PTPRG: variants seen among roughly 807,000 people sequenced by gnomAD.
PTPRG encodes the protein protein tyrosine phosphatase receptor type G.
A neutral mutation model predicts 165.3 loss-of-function variants in PTPRG; 102 were observed. That is an observed-to-expected ratio of 0.62 (90% confidence interval 0.53 to 0.73). The LOEUF (loss-of-function observed/expected upper bound fraction) is 0.73. Ranked by LOEUF, PTPRG falls within the 30% of genes least tolerant of loss-of-function variation. The pLI is 0.00. For synonymous variants in PTPRG, 675 were observed against 669.5 expected, an observed-to-expected ratio of 1.01 and a Z score of -0.13; for missense variants, 1,866 against 1,861.4, an observed-to-expected ratio of 1.00 and a Z score of -0.05.
chr3:61,704,659 G>C (rs941534247), intron 1 of PTPRG, among the ~76,000 whole-genome samples: 8 of 151,674 alleles, frequency 5.3e-5, no homozygotes, highest in African/African-American at 1.9e-4. Context: ...ACACCTGGTG[G>C]CTGTTGCCTT....
Position 61,845,380 on chromosome 3 carries a change from G to A in PTPRG, c.190+96398G>A, listed in dbSNP as rs564202282. On this transcript the variant is annotated intron_variant, in intron 2 of 29. Coordinates refer to ENST00000474889, the MANE Select transcript of PTPRG (RefSeq NM_002841.4). ...AGTGAGGACAATTAAACCGTGGGGT[G>A]GCCTCTTGAGGCAAACAGCAGAGAC... Among the ~76,000 whole-genome samples the A allele has an allele frequency of 8.1e-4, 124 of 152,304 alleles. 1 individual carries two copies. The highest frequency in any genetic ancestry group is 2.9e-3 in the African/African-American group (122 of 41,576).
chr3:61,766,803 A>G (rs1290537197), intron 2 of PTPRG, among the ~76,000 whole-genome samples: 4 of 151,956 alleles, frequency 2.6e-5, no homozygotes, highest in African/African-American at 9.6e-5. Flanking sequence ...TATTTTTAGT[A>G]GAGATGGTTT....
chr3:62,273,223 G>T lies in PTPRG; in HGVS notation c.3318+142G>T. The T allele has an allele frequency of 1.0e-6, 1 of 980,800 alleles. No homozygotes were observed. 60.8% of individuals were successfully genotyped at this position (980,800 alleles called of 1,614,324 possible). ...TTGTATTAGAAGATATTCTGACAAT[G>T]ATCCTATTCTACGGATCACAGTTTT... On this transcript the variant is annotated intron_variant, in intron 22 of 29. Transcript: ENST00000474889. The surrounding 1 kb of genome is among the most constrained non-coding windows in gnomAD (Gnocchi z 4.1).
rs1427663529 is a variant in PTPRG, at chr3:62,210,706, G to T, written c.2155+6756G>T. 6.6e-6 allele frequency among the ~76,000 whole-genome samples: 1 copy of T among 152,084 alleles called. No individual in the cohort carries two copies. The highest frequency in any genetic ancestry group is 2.4e-5 in the African/African-American group (1 of 41,408). ...TCCCCTCATCAACCTACTGAAAGAT[G>T]ATGAGAATGAAGACCTTTATGATGA... is the stretch of plus-strand genomic sequence containing the variant. On this transcript the variant is annotated intron_variant, in intron 12 of 29. Transcript: ENST00000474889. The surrounding 1 kb of genome is among the most constrained non-coding windows in gnomAD (Gnocchi z 4.1).
intron 2 of PTPRG, among the ~76,000 whole-genome samples, chr3:61,763,174 G>A (rs533356807): frequency 2.5e-4 from 38 of 152,166 alleles, no homozygotes; most frequent in Middle Eastern, 3.4e-3. Flanking sequence ...GATCTACCCC[G>A]AAGTAGAGGT....
chr3:62,263,511 T>A, intron 17 of PTPRG: 1 of 152,528 alleles, frequency 6.6e-6, no homozygotes, highest in Admixed American at 6.5e-5. Context: ...TTCACAGACA[T>A]GTGGGGCTTG....
intron 1 of PTPRG, among the ~76,000 whole-genome samples, chr3:61,690,829 GA>G (rs2030148653): frequency 6.6e-6 from 1 of 151,808 alleles, no homozygotes. Context: ...TTTTTTCAAG[GA>G]AATTAATAGA....
chr3:61,745,051 C>CTTTTTTTTTTTTTTTTTTTTTTTTTT (rs10669472), intron 1 of PTPRG, among the ~76,000 whole-genome samples: 1 of 111,626 alleles, frequency 9.0e-6, no homozygotes, highest in African/African-American at 3.4e-5. Flanking sequence ...CATTCCCTCA[C>CTTTTTTTTTTTTTTTTTTTTTTTTTT]TTTTTTTTTT....
intron 1 of PTPRG, among the ~76,000 whole-genome samples, chr3:61,567,096 C>T (rs1385670654): frequency 6.6e-6 from 1 of 152,142 alleles, no homozygotes; most frequent in Non-Finnish European, 1.5e-5. Flanking sequence ...TCAGAGTTGA[C>T]CTCTGTTAGA....
chr3:61,880,565 A>G (rs957465820), intron 2 of PTPRG, among the ~76,000 whole-genome samples: 12 of 147,358 alleles, frequency 8.1e-5, no homozygotes, highest in African/African-American at 2.8e-4. Flanking sequence ...TCGAAGCTGC[A>G]GTCAGCTGTG....
At chr3:62,084,944 G>A (rs528421124) in intron 5 of PTPRG, among the ~76,000 whole-genome samples, 2 of 152,224 alleles carry the variant, frequency 1.3e-5, no homozygotes, top group East Asian at 3.9e-4. Context: ...AACACATTTA[G>A]GCTCCATTGT....
intron 1 of PTPRG, among the ~76,000 whole-genome samples, chr3:61,734,318 A>G (rs888391829): frequency 6.6e-6 from 1 of 152,208 alleles, no homozygotes; most frequent in Non-Finnish European, 1.5e-5. Flanking sequence ...ATCAAAGAAT[A>G]GATTAACCAG....
chr3:61,665,785 G>A (rs181912858), intron 1 of PTPRG, among the ~76,000 whole-genome samples: 1 of 152,240 alleles, frequency 6.6e-6, no homozygotes, highest in Non-Finnish European at 1.5e-5. Context: ...CTATGGTCAT[G>A]CTACTGTACT....
chr3:62,243,084 G>C (rs2106950463), intron 14 of PTPRG, among the ~76,000 whole-genome samples: 1 of 152,260 alleles, frequency 6.6e-6, no homozygotes, highest in African/African-American at 2.4e-5. Context: ...ATGCAGGAAA[G>C]CTGAGGGCCA....
intron 27 of PTPRG, 85 bp downstream of exon 27, chr3:62,281,794 C>A: frequency 7.6e-7 from 1 of 1,311,938 alleles, no homozygotes; most frequent in East Asian, 2.7e-5. Flanking sequence ...ATTTACCACC[C>A]TCAAGCCAGG....
chr3:62,017,515 A>G (rs983772451), intron 4 of PTPRG, among the ~76,000 whole-genome samples: 1 of 150,718 alleles, frequency 6.6e-6, no homozygotes, highest in Admixed American at 6.6e-5. Context: ...TCCCGGGTTC[A>G]CGCCATTCTC....
At chr3:61,950,602 C>T (rs942364371) in intron 2 of PTPRG, among the ~76,000 whole-genome samples, 6 of 151,962 alleles carry the variant, frequency 3.9e-5, no homozygotes, top group Non-Finnish European at 7.4e-5. Flanking sequence ...GTTATAGGTT[C>T]TTTCTGTACA....
chr3:61,985,337 C>T (rs1434689730), intron 2 of PTPRG, among the ~76,000 whole-genome samples: 1 of 152,188 alleles, frequency 6.6e-6, no homozygotes, highest in Non-Finnish European at 1.5e-5. Flanking sequence ...TGCTTGCACC[C>T]ACCTGCCTTA....
At chr3:62,292,752 AC>A (rs1702945322) in intron 29 of PTPRG, 196 bp downstream of exon 29, 2 of 606,718 alleles carry the variant, frequency 3.3e-6, no homozygotes, top group Non-Finnish European at 5.7e-6. Context: ...TGCTAAGCAA[AC>A]TACACAGCAC....
Sources: gnomAD v4.1 joint callset for allele counts (sites outside exome capture counted in the v4.1 genomes callset) on GRCh38, gnomAD v4.1.1 for gene constraint, Gnocchi (gnomAD v3.1) non-coding constraint, MANE v1.5 for transcripts, NCBI Gene and HGNC (gene_info 2026-07-23, HGNC 2026-07-21) for gene names.